The following UTRN variants were observed in gnomAD, a reference collection of about 807,000 sequenced individuals.
The protein encoded by UTRN is dystrophin-related protein 1.
In UTRN, 283 loss-of-function variants were observed where a neutral mutation model predicts 463.9. That is an observed-to-expected ratio of 0.61 (90% CI 0.55 to 0.67). UTRN has a LOEUF of 0.67. UTRN is among the 30% of genes least tolerant of loss of function. The pLI, the probability that UTRN is intolerant of heterozygous loss-of-function variation, is 0.00. For missense variants in UTRN, 3,922 were observed against 4,084.3 expected, an observed-to-expected ratio of 0.96 and a Z score of 1.08; for synonymous variants, 1,442 against 1,431.5, an observed-to-expected ratio of 1.01 and a Z score of -0.17.
At chr6:144,803,915 A>T (rs1335960594) in intron 65 of UTRN, among the ~76,000 whole-genome samples, 1 of 152,076 alleles carries the variant, frequency 6.6e-6, no homozygotes, top group African/African-American at 2.4e-5. Context: ...GTTTTTTTCA[A>T]AATAGGTTTA....
chr6:144,827,709 C>T, intron 68 of UTRN, 33 bp downstream of exon 68: 3 of 1,599,412 alleles, frequency 1.9e-6, no homozygotes, highest in Non-Finnish European at 2.6e-6. Context: ...CTCCACTGCA[C>T]TGCCACCCAG....
chr6:144,827,405 C>T lies in UTRN; in HGVS notation c.9533+19C>T, dbSNP rs778444377. On this transcript the variant is annotated intron_variant, in intron 67 of 74. Transcript: ENST00000367545. Reference sequence around the variant, plus strand: ...ACTATGAGTGAGTATTCATAGCCCACGTGCAGGAGAGGTGTTCTGATCAGT... The same window carrying T: ...ACTATGAGTGAGTATTCATAGCCCATGTGCAGGAGAGGTGTTCTGATCAGT... The T allele has an allele frequency of 6.8e-6, 11 of 1,613,160 alleles. No homozygotes were observed. The highest frequency in any genetic ancestry group is 1.1e-5 in the South Asian group (1 of 91,068).
chr6:144,699,366 G>C (rs986278085), intron 52 of UTRN, among the ~76,000 whole-genome samples: 1 of 151,490 alleles, frequency 6.6e-6, no homozygotes, highest in East Asian at 1.9e-4. Context: ...TTTGAACCCA[G>C]GAGGCAGAGG....
chr6:144,425,033 A>G (rs1785173273), intron 6 of UTRN, among the ~76,000 whole-genome samples: 1 of 152,238 alleles, frequency 6.6e-6, no homozygotes, highest in Non-Finnish European at 1.5e-5. Context: ...AGTTGTCCCA[A>G]TAATATCCTT....
chr6:144,746,581 A>T (rs934480905), intron 54 of UTRN, among the ~76,000 whole-genome samples: 2 of 151,906 alleles, frequency 1.3e-5, no homozygotes, highest in Non-Finnish European at 2.9e-5. Context: ...GGTTCAAGCA[A>T]TTCTCCTGGC....
At chr6:144,677,405 G>C (rs1364972947) in intron 51 of UTRN, among the ~76,000 whole-genome samples, 2 of 152,060 alleles carry the variant, frequency 1.3e-5, no homozygotes, top group African/African-American at 4.8e-5. Flanking sequence ...TGAGGATGAT[G>C]GTTTCCAGCT....
chr6:144,749,201 T>G (rs191175453), intron 55 of UTRN, among the ~76,000 whole-genome samples: 1 of 152,268 alleles, frequency 6.6e-6, no homozygotes, highest in East Asian at 1.9e-4. Context: ...TTAATAAAAT[T>G]TAGACAATAA....
At chr6:144,413,708 T>A (rs112031095) in intron 3 of UTRN, among the ~76,000 whole-genome samples, 5,377 of 152,268 alleles carry the variant, frequency 0.035, 313 homozygotes, top group African/African-American at 0.12. Flanking sequence ...TAGAAATGTC[T>A]AGCACATACA....
intron 51 of UTRN, among the ~76,000 whole-genome samples, chr6:144,607,278 G>A (rs527565850): frequency 7.6e-4 from 115 of 152,290 alleles, no homozygotes; most frequent in Middle Eastern, 3.4e-3. Context: ...AGTGTGTACT[G>A]TGAAAGTGAT....
chr6:144,622,388 T>C (rs888347802), intron 51 of UTRN, among the ~76,000 whole-genome samples: 5 of 152,058 alleles, frequency 3.3e-5, no homozygotes, highest in Admixed American at 6.6e-5. Flanking sequence ...GGTTTTACCA[T>C]GTTGGCCAGG....
chr6:144,684,902 A>G (rs935743725), intron 52 of UTRN, among the ~76,000 whole-genome samples: 3 of 152,194 alleles, frequency 2.0e-5, no homozygotes, highest in African/African-American at 7.2e-5. Flanking sequence ...TTAAGGGTAC[A>G]GGTGATTTTA....
intron 42 of UTRN, 34 bp downstream of exon 42, chr6:144,531,236 C>T (rs766188504): frequency 6.2e-7 from 1 of 1,609,348 alleles, no homozygotes; most frequent in African/African-American, 1.3e-5. Flanking sequence ...GGGGACTGCA[C>T]ATATGGTTAG....
rs11288706 is a variant in UTRN at position 144,821,671 on chromosome 6, AT to A, written c.9494+656del. Among the ~76,000 whole-genome samples, 597 of 152,230 alleles carry A rather than the reference AT, an allele frequency of 3.9e-3. 5 individuals are homozygous for A. The highest frequency in any genetic ancestry group is 0.014 in the African/African-American group (580 of 41,572). On this transcript the variant is annotated intron_variant, in intron 66 of 74. Transcript: ENST00000367545. ...TGATTATAAAGCAAAGGGAATAAGA[AT>A]TTATGGCCTGAAGTGAAAAGAAAAA... is the stretch of plus-strand genomic sequence containing the variant.
chr6:144,378,144 A>G lies in UTRN; in HGVS notation c.80-24979A>G, dbSNP rs73780546. 9.8e-3 allele frequency among the ~76,000 whole-genome samples: 1,500 copies of G among 152,346 alleles called. 25 individuals carry two copies. The highest frequency in any genetic ancestry group is 0.034 in the African/African-American group (1,434 of 41,572). Reference sequence around the variant, plus strand: ...AACATGTGGAAAAGATGAGAAAAACAGTCAGTGGATCATCTTGATGATGAT... The same window carrying G: ...AACATGTGGAAAAGATGAGAAAAACGGTCAGTGGATCATCTTGATGATGAT... On this transcript the variant is annotated intron_variant, in intron 2 of 74. Transcript: ENST00000367545.
intron 65 of UTRN, among the ~76,000 whole-genome samples, chr6:144,818,550 G>T (rs896159416): frequency 2.0e-5 from 3 of 152,176 alleles, no homozygotes; most frequent in African/African-American, 4.8e-5. Context: ...GCTAGGTATG[G>T]AGTTTACTCC....
chr6:144,350,341 A>G (rs939969508), intron 2 of UTRN, among the ~76,000 whole-genome samples: 1 of 152,028 alleles, frequency 6.6e-6, no homozygotes, highest in Non-Finnish European at 1.5e-5. Context: ...ACCATTGTTA[A>G]TAGTTTCGTT....
At position 144,765,019 on chromosome 6, in the gene UTRN, G is replaced by A. The variant is rs374045270; in HGVS notation, c.8496-6888G>A. ...TTGGCTGATGGTCTGAATCTCCCCAGTTTGAGAGTCACGGAGATGAGGGTA... is the reference window on the plus strand; with the variant it reads ...TTGGCTGATGGTCTGAATCTCCCCAATTTGAGAGTCACGGAGATGAGGGTA... On this transcript the variant is annotated intron_variant, in intron 58 of 74. Transcript: ENST00000367545. 2.3e-4 allele frequency among the ~76,000 whole-genome samples: 33 copies of A among 142,454 alleles called. No individual in the cohort carries two copies. The East Asian group carries it at 6.8e-3, about 29-fold the overall frequency. 93.5% of individuals were successfully genotyped at this position (142,454 alleles called of 152,430 possible).
chr6:144,433,831 C>T (rs1413507839), intron 9 of UTRN, among the ~76,000 whole-genome samples: 25 of 150,644 alleles, frequency 1.7e-4, no homozygotes, highest in African/African-American at 5.9e-4. Context: ...GGATGGCGGC[C>T]GGGCAGAGAC....
At chr6:144,469,076 A>G (rs951080177) in intron 23 of UTRN, among the ~76,000 whole-genome samples, 2 of 151,472 alleles carry the variant, frequency 1.3e-5, no homozygotes, top group South Asian at 2.1e-4. Context: ...TTCTGTACCA[A>G]TTCCTTCCCA....
Sources: allele counts gnomAD v4.1 joint callset (sites outside exome capture counted in the v4.1 genomes callset), GRCh38; gene constraint gnomAD v4.1.1; transcripts MANE v1.5; gene names NCBI Gene and HGNC (gene_info 2026-07-23, HGNC 2026-07-21).